TMPRSS15: variants seen among roughly 807,000 people sequenced by gnomAD.
The protein encoded by TMPRSS15 is enteropeptidase.
In TMPRSS15, 128 loss-of-function variants were observed where a neutral mutation model predicts 125.3. The ratio of observed to expected loss-of-function variants is 1.02; its 90% CI spans 0.89 to 1.18. TMPRSS15 has a LOEUF of 1.18. Among genes scored for constraint, TMPRSS15 ranks in the 50% most tolerant of loss-of-function variants. The probability of loss-of-function intolerance (pLI) is 0.00; values close to 1 mark genes in which losing one functional copy is unlikely to be tolerated. For synonymous variants in TMPRSS15, 446 were observed against 423.2 expected, an observed-to-expected ratio of 1.05 and a Z score of -0.66; for missense variants, 1,283 against 1,212.7, an observed-to-expected ratio of 1.06 and a Z score of -0.86.
chr21:18,336,388 C>T (rs1036122441), intron 13 of TMPRSS15, among the ~76,000 whole-genome samples: 1 of 152,048 alleles, frequency 6.6e-6, no homozygotes, highest in African/African-American at 2.4e-5. Flanking sequence ...TGTTTTTCAT[C>T]ATTATTGTAA....
chr21:18,403,406 A>T, intron 1 of TMPRSS15, 72 bp downstream of exon 1: 1 of 1,597,722 alleles, frequency 6.3e-7, no homozygotes. Context: ...AAATAGACTT[A>T]CAGAATAACT....
chr21:18,341,962 C>T (rs7275641), intron 12 of TMPRSS15, among the ~76,000 whole-genome samples: 5,461 of 152,238 alleles, frequency 0.036, 325 homozygotes, highest in African/African-American at 0.12. Context: ...TTTCTTCCTT[C>T]TTAGAGCATA....
chr21:18,366,290 T>A (rs2075736888), intron 6 of TMPRSS15, among the ~76,000 whole-genome samples: 1 of 152,208 alleles, frequency 6.6e-6, no homozygotes, highest in Non-Finnish European at 1.5e-5. Context: ...CAGAATTCCA[T>A]CCAACAAATC....
chr21:18,358,128 T>C (rs933954628), intron 8 of TMPRSS15, among the ~76,000 whole-genome samples: 6 of 151,862 alleles, frequency 4.0e-5, no homozygotes, highest in Non-Finnish European at 8.8e-5. Flanking sequence ...TTTTAAAATT[T>C]ATTCACAAAT....
chr21:18,351,482 T>C (rs1402252236), intron 10 of TMPRSS15, among the ~76,000 whole-genome samples: 2 of 152,130 alleles, frequency 1.3e-5, no homozygotes, highest in African/African-American at 2.4e-5. Flanking sequence ...GGCAATTTTT[T>C]CAATGCCGTT....
chr21:18,466,109 A>G (rs899637661), intron 1 of TMPRSS15, among the ~76,000 whole-genome samples: 3 of 152,316 alleles, frequency 2.0e-5, no homozygotes, highest in South Asian at 4.1e-4. Flanking sequence ...ATAACGTCAC[A>G]TATCTACAAC....
At chr21:18,402,279 C>G (rs1307454495) in intron 1 of TMPRSS15, among the ~76,000 whole-genome samples, 1 of 151,944 alleles carries the variant, frequency 6.6e-6, no homozygotes, top group African/African-American at 2.4e-5. Context: ...TGCCTGTAAT[C>G]CCAGCATTTG....
At chr21:18,320,552 A>G (rs2075223411) in intron 16 of TMPRSS15, among the ~76,000 whole-genome samples, 1 of 152,176 alleles carries the variant, frequency 6.6e-6, no homozygotes, top group South Asian at 2.1e-4. Context: ...ATAACATAAA[A>G]ATGTTTTAAA....
chr21:18,426,528 A>C (rs1415881812), intron 1 of TMPRSS15, among the ~76,000 whole-genome samples: 3 of 152,238 alleles, frequency 2.0e-5, no homozygotes, highest in Non-Finnish European at 4.4e-5. Context: ...AAGATGAAGA[A>C]AGAAAATCCT....
intron 1 of TMPRSS15, among the ~76,000 whole-genome samples, chr21:18,467,900 C>T (rs1978699114): frequency 6.6e-6 from 1 of 151,730 alleles, no homozygotes; most frequent in African/African-American, 2.4e-5. Context: ...GAAAGTATGT[C>T]AAAAAGTGTA....
intron 23 of TMPRSS15, among the ~76,000 whole-genome samples, chr21:18,278,509 G>C (rs990251569): frequency 7.9e-5 from 12 of 152,088 alleles, no homozygotes; most frequent in African/African-American, 2.4e-4. Context: ...CACGAGGTCA[G>C]GAGATCGAGA....
intron 10 of TMPRSS15, among the ~76,000 whole-genome samples, chr21:18,344,629 C>T (rs1189288255): frequency 6.6e-6 from 1 of 152,114 alleles, no homozygotes; most frequent in Non-Finnish European, 1.5e-5. Context: ...AGAAAGCATG[C>T]TAATCCGTAT....
At chr21:18,472,455 T>TTATATATATATATA (rs34604020) in intron 1 of TMPRSS15, among the ~76,000 whole-genome samples, 410 of 143,134 alleles carry the variant, frequency 2.9e-3, no homozygotes, top group Non-Finnish European at 4.8e-3. Context: ...GCTAAAAGAA[T>TTATATATATATATA]TATATATATA....
chr21:18,328,779 G>T (rs182626693), intron 15 of TMPRSS15, among the ~76,000 whole-genome samples: 32 of 152,084 alleles, frequency 2.1e-4, no homozygotes, highest in Non-Finnish European at 4.4e-5. Context: ...AATATAATTG[G>T]GTTGTAACAC....
chr21:18,289,994 A>G (rs2146889590), intron 21 of TMPRSS15, among the ~76,000 whole-genome samples: 1 of 152,358 alleles, frequency 6.6e-6, no homozygotes, highest in East Asian at 1.9e-4. Context: ...AGAATGGAAA[A>G]CAAATATGAA....
chr21:18,358,956 T>G (rs2147020043), intron 8 of TMPRSS15, among the ~76,000 whole-genome samples: 1 of 152,214 alleles, frequency 6.6e-6, no homozygotes, highest in East Asian at 1.9e-4. Context: ...TTATATAAAA[T>G]TTAATCACAG....
intron 1 of TMPRSS15, among the ~76,000 whole-genome samples, chr21:18,463,850 C>T (rs2122954179): frequency 3.9e-5 from 6 of 152,050 alleles, no homozygotes; most frequent in African/African-American, 1.4e-4. Flanking sequence ...TGAATGACTA[C>T]TGCATAAATA....
chr21:18,311,048 T>C (rs1346769662), intron 18 of TMPRSS15, among the ~76,000 whole-genome samples: 1 of 151,118 alleles, frequency 6.6e-6, no homozygotes, highest in East Asian at 2.0e-4. Flanking sequence ...AGTATGAAAC[T>C]AGACCCTTAT....
chr21:18,291,627 G>A (rs1442192786), intron 21 of TMPRSS15, among the ~76,000 whole-genome samples: 1 of 152,078 alleles, frequency 6.6e-6, no homozygotes, highest in Non-Finnish European at 1.5e-5. Context: ...CTTTTAAAGA[G>A]ACAGATAAGA....
Sources: allele counts gnomAD v4.1 joint callset (sites outside exome capture counted in the v4.1 genomes callset), GRCh38; gene constraint gnomAD v4.1.1; transcripts MANE v1.5; gene names NCBI Gene and HGNC (gene_info 2026-07-23, HGNC 2026-07-21).